The following NSL1 variants were observed in gnomAD, a reference collection of about 807,000 sequenced individuals.
The protein encoded by NSL1 is NSL1 component of MIS12 kinetochore complex, also known as kinetochore-associated protein NSL1 homolog.
Under a neutral mutation model 25.4 loss-of-function variants are expected in NSL1, and 11 were observed. The ratio of observed to expected loss-of-function variants is 0.43; its 90% CI spans 0.27 to 0.72. The LOEUF is 0.72. NSL1 is among the 30% of genes least tolerant of loss of function. The pLI, the probability that NSL1 is intolerant of heterozygous loss-of-function variation, is 0.19. For missense variants in NSL1, 330 were observed against 342.7 expected, an observed-to-expected ratio of 0.96 and a Z score of 0.29; for synonymous variants, 118 against 120.6, an observed-to-expected ratio of 0.98 and a Z score of 0.14.
intron 4 of NSL1, among the ~76,000 whole-genome samples, chr1:212,750,750 G>A (rs1205241261): frequency 2.0e-5 from 3 of 151,976 alleles, no homozygotes; most frequent in African/African-American, 7.3e-5. Flanking sequence ...GACTAGCCTG[G>A]CTAACATGGT....
At chr1:212,757,975 A>G (rs1659392286) in intron 4 of NSL1, among the ~76,000 whole-genome samples, 1 of 152,252 alleles carries the variant, frequency 6.6e-6, no homozygotes, top group East Asian at 1.9e-4. Flanking sequence ...GAGGATGTAC[A>G]GGCATCATGC....
chr1:212,776,115 C>A (rs1298201759), intron 4 of NSL1, among the ~76,000 whole-genome samples: 1 of 152,078 alleles, frequency 6.6e-6, no homozygotes, highest in Admixed American at 6.5e-5. Context: ...GCGCCCAGCC[C>A]GTAAATTGTG....
At chr1:212,765,813 A>C (rs1400794332) in intron 4 of NSL1, among the ~76,000 whole-genome samples, 5 of 151,576 alleles carry the variant, frequency 3.3e-5, no homozygotes, top group Non-Finnish European at 5.9e-5. Context: ...TTTAAAAAAA[A>C]AAACAAAAAA....
At chr1:212,783,019 G>A (rs1660794137) in intron 3 of NSL1, among the ~76,000 whole-genome samples, 1 of 152,108 alleles carries the variant, frequency 6.6e-6, no homozygotes, top group African/African-American at 2.4e-5. Context: ...AGAAAAAAAG[G>A]TCTTCAGCCA....
At chr1:212,766,899 C>T (rs576617264) in intron 4 of NSL1, among the ~76,000 whole-genome samples, 28 of 152,232 alleles carry the variant, frequency 1.8e-4, no homozygotes, top group Non-Finnish European at 2.9e-4. Flanking sequence ...TGAAGGCCCT[C>T]TACAAGGAAA....
intron 2 of NSL1, among the ~76,000 whole-genome samples, chr1:212,786,967 A>C (rs946680993): frequency 1.3e-4 from 20 of 151,838 alleles, no homozygotes; most frequent in Non-Finnish European, 4.4e-5. Context: ...GTTTGAGACC[A>C]GCCTGGGCAA....
At chr1:212,772,345 A>G (rs945519765) in intron 4 of NSL1, among the ~76,000 whole-genome samples, 6 of 152,034 alleles carry the variant, frequency 3.9e-5, no homozygotes, top group African/African-American at 1.2e-4. Flanking sequence ...AATACCAATA[A>G]CATTCCTCAC....
intron 5 of NSL1, 24 bp downstream of exon 5, chr1:212,739,510 A>G: frequency 6.2e-7 from 1 of 1,609,906 alleles, no homozygotes; most frequent in Non-Finnish European, 8.5e-7. Context: ...TCATTTGATA[A>G]TTTTTTTAGC....
intron 4 of NSL1, among the ~76,000 whole-genome samples, chr1:212,744,321 G>GT (rs1359229542): frequency 1.3e-5 from 2 of 152,138 alleles, no homozygotes; most frequent in Non-Finnish European, 2.9e-5. Flanking sequence ...AAAAAACATG[G>GT]TATTTCCAAA....
At chr1:212,786,672 G>C (rs1318616513) in intron 2 of NSL1, among the ~76,000 whole-genome samples, 1 of 152,056 alleles carries the variant, frequency 6.6e-6, no homozygotes, top group Non-Finnish European at 1.5e-5. Flanking sequence ...GCCAGGCGTG[G>C]TGGCAAGCAC....
chr1:212,730,602 C>G lies in NSL1; in HGVS notation c.*7806G>C. 1 of 985,370 alleles carries G rather than the reference C, an allele frequency of 1.0e-6. No homozygotes were observed. Among genetic ancestry groups the G allele is most frequent in the Non-Finnish European group, 1.2e-6 (1 of 829,930 alleles). The allele number at this position is 985,370 out of a possible 1,614,324, so 61.0% of individuals were successfully genotyped here. ...TCTTCTCTAGCTATCCCAGGCCACCCAGAAGTCAGGGGATGTGACCAAAGG... is the reference window on the plus strand; with the variant it reads ...TCTTCTCTAGCTATCCCAGGCCACCGAGAAGTCAGGGGATGTGACCAAAGG... On this transcript the variant is annotated 3_prime_UTR_variant, in exon 6 of 6. Coordinates refer to ENST00000366977, the MANE Select transcript of NSL1 (RefSeq NM_015471.4).
chr1:212,732,024 C>A lies in NSL1; in HGVS notation c.*6384G>T. 2.1e-6 allele frequency: 2 copies of A among 944,930 alleles called. No individual in the cohort carries two copies. Among genetic ancestry groups the A allele is most frequent in the Non-Finnish European group, 2.5e-6 (2 of 810,780 alleles). The allele number at this position is 944,930 out of a possible 1,614,324, so 58.5% of individuals were successfully genotyped here. A position where few individuals can be genotyped will look rare whatever the true frequency, so the allele number is the denominator to read the frequency against. On this transcript the variant is annotated 3_prime_UTR_variant, in exon 6 of 6. Coordinates refer to ENST00000366977, the MANE Select transcript of NSL1 (RefSeq NM_015471.4). ...TCCTTTAGCCTCCCAGTGTAACTGTCCCAATTTTTTTTTTTTTTTTTTACT... is the reference window on the plus strand; with the variant it reads ...TCCTTTAGCCTCCCAGTGTAACTGTACCAATTTTTTTTTTTTTTTTTTACT...
At chr1:212,739,951 T>C (rs957913261) in intron 4 of NSL1, among the ~76,000 whole-genome samples, 1 of 152,208 alleles carries the variant, frequency 6.6e-6, no homozygotes, top group Non-Finnish European at 1.5e-5. Flanking sequence ...CTCTGAATTT[T>C]ATAAAAGTAA....
At chr1:212,773,228 TCAA>T (rs566342813) in intron 4 of NSL1, among the ~76,000 whole-genome samples, 15 of 151,980 alleles carry the variant, frequency 9.9e-5, no homozygotes, top group Non-Finnish European at 2.2e-4. Context: ...AAGGAAACAA[TCAA>T]CAGAGTAATG....
intron 4 of NSL1, among the ~76,000 whole-genome samples, chr1:212,777,221 T>G (rs1660414167): frequency 6.6e-6 from 1 of 151,750 alleles, no homozygotes; most frequent in African/African-American, 2.4e-5. Context: ...AAAAAAAAAT[T>G]TTTTAACTAG....
chr1:212,738,758 G>A, intron 5 of NSL1, 72 bp from the exon 6 acceptor site: 1 of 1,267,212 alleles, frequency 7.9e-7, no homozygotes, highest in Non-Finnish European at 1.1e-6. Context: ...GATGGATGCA[G>A]TACTCTAATT....
In NSL1 at chr1:212,734,611, C is replaced by G. The variant is rs2102423511; in HGVS notation, c.*3797G>C. 1.3e-5 allele frequency among the ~76,000 whole-genome samples: 2 copies of G among 152,342 alleles called. 1 individual carries two copies. The highest frequency in any genetic ancestry group is 4.1e-4 in the South Asian group (2 of 4,826). On this transcript the variant is annotated 3_prime_UTR_variant, in exon 6 of 6. Transcript: ENST00000366977. ...GTTTTGCCCATTCTGTGATTCCATA[C>G]ACAGGATGTATTCTCTTGTGCCTGG...
rs71147025 is a variant in NSL1, at chr1:212,762,306, C to CAAAAAAAA, written c.499+20058_499+20065dup. ...GAGTCTCACTCTGTCTTAAAAGAAA[C>CAAAAAAAA]AAAAAAAAAAAAAAAAAAAAGAAAA... On this transcript the variant is annotated intron_variant, in intron 4 of 5. Coordinates refer to ENST00000366977, the MANE Select transcript of NSL1 (RefSeq NM_015471.4). Among the ~76,000 whole-genome samples, 961 of 114,464 alleles carry CAAAAAAAA rather than the reference C, an allele frequency of 8.4e-3. 1 individual carries two copies. The highest frequency in any genetic ancestry group is 9.8e-3 in the African/African-American group (291 of 29,636). 75.1% of individuals were successfully genotyped at this position (114,464 alleles called of 152,430 possible).
chr1:212,789,722 G>A (rs1248899262), intron 1 of NSL1, among the ~76,000 whole-genome samples: 1 of 152,182 alleles, frequency 6.6e-6, no homozygotes, highest in Non-Finnish European at 1.5e-5. Flanking sequence ...TCTAAGCCCT[G>A]TAAACTTTAT....
Sources: gnomAD v4.1 joint callset for allele counts (sites outside exome capture counted in the v4.1 genomes callset) on GRCh38, gnomAD v4.1.1 for gene constraint, MANE v1.5 for transcripts, NCBI Gene and HGNC (gene_info 2026-07-23, HGNC 2026-07-21) for gene names.